The following AGO1 variants were observed in gnomAD, a reference collection of about 807,000 sequenced individuals.
AGO1 encodes the protein protein argonaute-1.
A neutral mutation model predicts 109.2 loss-of-function variants in AGO1; 11 were observed. That is an observed-to-expected ratio of 0.10 (90% CI 0.06 to 0.17). The LOEUF is 0.17. Among genes scored for constraint, AGO1 ranks in the 10% least tolerant of loss-of-function variants. The pLI, the probability that AGO1 is intolerant of heterozygous loss-of-function variation, is 1.00. For synonymous variants in AGO1, 422 were observed against 418.6 expected, an observed-to-expected ratio of 1.01 and a Z score of -0.10; for missense variants, 574 against 1,140.3, an observed-to-expected ratio of 0.50 and a Z score of 7.15.
Position 35,888,445 on chromosome 1 carries a change from C to T in AGO1, c.44C>T (p.Pro15Leu). The change falls in exon 2 of 19, where the codon CCC (proline) becomes CTC (leucine). Residue 15 changes from proline to leucine, a missense_variant. Pro to Leu is a moderately conservative substitution (Grantham distance 98). This residue lies in a region of AGO1 where 89 missense variants were observed against 109.6 expected (regional missense o/e 0.81). Coordinates refer to ENST00000373204, the MANE Select transcript of AGO1 (RefSeq NM_012199.5). The surrounding 1 kb of genome is among the most constrained non-coding windows in gnomAD (Gnocchi z 4.1). ...CTTGTAGCTGCGGGCGCTTACCTGC[C>T]CCCCCTGCAGCAGGTGTTCCAGGCA... ...PSGAAAGAYL[P>L]PLQQVFQAPR... The T allele has an allele frequency of 1.2e-6, 2 of 1,614,110 alleles. No individual in the cohort carries two copies. The highest frequency in any genetic ancestry group is 8.5e-7 in the Non-Finnish European group (1 of 1,179,990).
chr1:35,907,030 G>A lies in AGO1; in HGVS notation c.1493G>A (p.Ser498Asn). The change falls in exon 12 of 19, where the codon AGC (serine) becomes AAC (asparagine). Residue 498 changes from serine (S) to asparagine (N), a missense_variant. Ser to Asn is a conservative substitution (Grantham distance 46, BLOSUM62 1). Transcript: ENST00000373204. ...TGCAAATATGCACAGGGGGCAGACA[G>A]CGTGGAGCCTATGTTCCGGCATCTC... ...CFCKYAQGAD[S>N]VEPMFRHLKN... The A allele has an allele frequency of 1.2e-6, 2 of 1,614,152 alleles. No individual in the cohort carries two copies. The highest frequency in any genetic ancestry group is 1.7e-6 in the Non-Finnish European group (2 of 1,180,030).
At chr1:35,892,734 A>T (rs750321927) in intron 3 of AGO1, 57 bp downstream of exon 3, 1 of 1,601,912 alleles carries the variant, frequency 6.2e-7, no homozygotes, top group East Asian at 2.2e-5. Context: ...AACCAAGCTC[A>T]TGTAAGCCTC....
chr1:35,892,439 A>C (rs911664642), intron 2 of AGO1, 118 bp from the exon 3 acceptor site: 5 of 1,310,708 alleles, frequency 3.8e-6, no homozygotes, highest in Non-Finnish European at 5.4e-6. Flanking sequence ...GCACTGTCAT[A>C]GAGTAGATGT....
chr1:35,895,856 T>G (rs1645307420), intron 8 of AGO1, among the ~76,000 whole-genome samples: 1 of 152,180 alleles, frequency 6.6e-6, no homozygotes, highest in African/African-American at 2.4e-5. Flanking sequence ...AGCCAAAATA[T>G]TGAATGAGAA....
chr1:35,878,915 A>G (rs1184075834), upstream of AGO1, among the ~76,000 whole-genome samples: 1 of 151,934 alleles, frequency 6.6e-6, no homozygotes, highest in Non-Finnish European at 1.5e-5. Flanking sequence ...TTAACATTAA[A>G]AGAGGAAAAT....
At position 35,914,164 on chromosome 1, in the gene AGO1, GT is replaced by G; in HGVS notation, c.1743-16del. On this transcript the variant is annotated intron_variant, in intron 13 of 18. Coordinates refer to ENST00000373204, the MANE Select transcript of AGO1 (RefSeq NM_012199.5). ...AGAAGACCCAGCGCCTCACCATTTT[GT>G]TTTCTCTTCCTTGCTCAGCTCTGCC... 1.2e-6 allele frequency: 2 copies of G among 1,613,448 alleles called. No individual in the cohort carries two copies. The highest frequency in any genetic ancestry group is 1.7e-6 in the Non-Finnish European group (2 of 1,179,458).
Position 35,901,326 on chromosome 1 carries a change from C to T in AGO1, c.1021-148C>T. 1 of 940,214 alleles carries T rather than the reference C, an allele frequency of 1.1e-6. No homozygotes were observed. Among genetic ancestry groups the T allele is most frequent in the Non-Finnish European group, 1.6e-6 (1 of 618,924 alleles). The allele number at this position is 940,214 out of a possible 1,614,324, so 58.2% of individuals were successfully genotyped here. The stretch of plus-strand genomic sequence containing the variant: ...TTTCTAATTTACCTATCAAATGATA[C>T]TCAGGAGGAGAATACATGTATGCAC... On this transcript the variant is annotated intron_variant, in intron 8 of 18. Coordinates refer to ENST00000373204, the MANE Select transcript of AGO1 (RefSeq NM_012199.5). This position sits in a 1 kb window ranked among gnomAD's most constrained non-coding sequence, Gnocchi z 4.8.
rs1474884500 is a variant in AGO1, at chr1:35,886,286, A to G, written c.26-2141A>G. Among the ~76,000 whole-genome samples, 3 of 152,070 alleles carry G rather than the reference A, an allele frequency of 2.0e-5. No individual in the cohort carries two copies. The East Asian group carries it at 5.8e-4, about 29-fold the overall frequency. Reference sequence around the variant, plus strand: ...GTAGGGAAGTGTCTCCCTTTCTCAGACTAAAAGCTGGGGTAAGGGGGGCGG... The same window carrying G: ...GTAGGGAAGTGTCTCCCTTTCTCAGGCTAAAAGCTGGGGTAAGGGGGGCGG... On this transcript the variant is annotated intron_variant, in intron 1 of 18. Coordinates refer to ENST00000373204, the MANE Select transcript of AGO1 (RefSeq NM_012199.5).
At chr1:35,915,318 A>C in intron 14 of AGO1, 30 bp from the exon 15 acceptor site, 5 of 1,594,742 alleles carry the variant, frequency 3.1e-6, no homozygotes, top group Non-Finnish European at 4.3e-6. Flanking sequence ...TGAAGGTTCT[A>C]GGAGCTAATC....
intron 1 of AGO1, among the ~76,000 whole-genome samples, chr1:35,870,487 G>A (rs987656895): frequency 6.6e-6 from 1 of 152,086 alleles, no homozygotes; most frequent in African/African-American, 2.4e-5. Context: ...GTTTCACCGT[G>A]TTAGCCAGGA....
upstream of AGO1, chr1:35,882,915 C>T: frequency 2.0e-6 from 2 of 984,512 alleles, no homozygotes; most frequent in Non-Finnish European, 2.4e-6. The surrounding 1 kb of genome is among the most constrained non-coding windows in gnomAD (Gnocchi z 5.1). Flanking sequence ...CAGCTCGGTG[C>T]GACAGGCGGG....
chr1:35,886,260 T>G (rs1184559517), intron 1 of AGO1, among the ~76,000 whole-genome samples: 1 of 152,174 alleles, frequency 6.6e-6, no homozygotes, highest in East Asian at 1.9e-4. Flanking sequence ...TGTCTGGGTC[T>G]GTAGGGAAGT....
intron 1 of AGO1, among the ~76,000 whole-genome samples, chr1:35,872,445 C>G (rs573262454): frequency 3.1e-4 from 47 of 152,282 alleles, no homozygotes; most frequent in African/African-American, 1.1e-3. Context: ...CTTGGCCTCC[C>G]AAAGTGCTGG....
chr1:35,906,409 T>G (rs1439789342), intron 11 of AGO1, among the ~76,000 whole-genome samples: 1 of 152,242 alleles, frequency 6.6e-6, no homozygotes. Flanking sequence ...CTGGGCTTCC[T>G]CGTCTCCTTG....
At chr1:35,905,281 C>G (rs781226415) in intron 11 of AGO1, among the ~76,000 whole-genome samples, 1 of 152,104 alleles carries the variant, frequency 6.6e-6, no homozygotes, top group Non-Finnish European at 1.5e-5. Flanking sequence ...GGTCAAAGCC[C>G]TAGCTGTTAT....
Position 35,922,974 on chromosome 1 carries a change from A to C in AGO1, c.*3367A>C, listed in dbSNP as rs920145968. 3 of 152,076 alleles carry C rather than the reference A, an allele frequency of 2.0e-5. No individual in the cohort carries two copies. Among genetic ancestry groups the C allele is most frequent in the African/African-American group, 7.3e-5 (3 of 41,376 alleles). The allele number at this position is 152,076 out of a possible 1,614,324, so 9.4% of individuals were successfully genotyped here. A position where few individuals can be genotyped will look rare whatever the true frequency, so the allele number is the denominator to read the frequency against. On this transcript the variant is annotated 3_prime_UTR_variant, in exon 19 of 19. Coordinates refer to ENST00000373204, the MANE Select transcript of AGO1 (RefSeq NM_012199.5). ...GAGCTATTTGGGTATCCTGGGTTTGAGTGTTAGGGGATGGACATAAAGGAA... is the reference window on the plus strand; with the variant it reads ...GAGCTATTTGGGTATCCTGGGTTTGCGTGTTAGGGGATGGACATAAAGGAA...
chr1:35,883,263 G>A lies in AGO1; in HGVS notation c.-159G>A. The A allele has an allele frequency of 7.3e-7, 1 of 1,361,886 alleles. No homozygotes were observed. Among genetic ancestry groups the A allele is most frequent in the Non-Finnish European group, 9.5e-7 (1 of 1,056,338 alleles). The allele number at this position is 1,361,886 out of a possible 1,614,324, so 84.4% of individuals were successfully genotyped here. On this transcript the variant is annotated 5_prime_UTR_variant, in exon 1 of 19. Coordinates refer to ENST00000373204, the MANE Select transcript of AGO1 (RefSeq NM_012199.5). The surrounding 1 kb of genome is among the most constrained non-coding windows in gnomAD (Gnocchi z 5.4). ...GAGCTGCTGCAGGCTCCGCGGCGGC[G>A]GCAACGGAGGCTGCGGGGGCGGCGG...
Position 35,902,016 on chromosome 1 carries a change from G to T in AGO1, c.1209G>T (p.Met403Ile). The T allele has an allele frequency of 6.2e-7, 1 of 1,612,206 alleles. No homozygotes were observed. Among genetic ancestry groups the T allele is most frequent in the Non-Finnish European group, 8.5e-7 (1 of 1,179,124 alleles). The change falls in exon 10 of 19, where the codon ATG becomes ATT. Residue 403 changes from methionine to isoleucine, a missense_variant. Met to Ile is a conservative substitution (Grantham distance 10). Coordinates refer to ENST00000373204, the MANE Select transcript of AGO1 (RefSeq NM_012199.5). ...TTGGGATCAAAGTGAAGGATGACAT[G>T]ACGGAGGTGACAGGGCGAGTGCTGC... Reference protein sequence around the residue: ...QEFGIKVKDDMTEVTGRVLPA... With the variant: ...QEFGIKVKDDITEVTGRVLPA...
At chr1:35,910,067 C>T (rs768783010) in intron 12 of AGO1, among the ~76,000 whole-genome samples, 15 of 150,376 alleles carry the variant, frequency 1.0e-4, no homozygotes, top group African/African-American at 2.2e-4. Context: ...CATTTACATG[C>T]GGTTCCTTGA....
Sources: allele counts gnomAD v4.1 joint callset (sites outside exome capture counted in the v4.1 genomes callset), GRCh38; gene constraint gnomAD v4.1.1; regional missense constraint gnomAD v4.1.1; non-coding constraint Gnocchi (gnomAD v3.1); transcripts MANE v1.5; gene names NCBI Gene and HGNC (gene_info 2026-07-23, HGNC 2026-07-21).